The following TRPM3 variants were observed in gnomAD, a reference collection of about 807,000 sequenced individuals.
TRPM3 encodes long transient receptor potential channel 3.
Under a neutral mutation model 181.2 loss-of-function variants are expected in TRPM3, and 77 were observed. The ratio of observed to expected loss-of-function variants is 0.42; its 90% CI spans 0.35 to 0.51. The LOEUF (loss-of-function observed/expected upper bound fraction) is 0.51. TRPM3 is among the 20% of genes least tolerant of loss of function. The pLI is 0.01. For synonymous variants in TRPM3, 745 were observed against 796.4 expected (o/e 0.94, Z 1.09); for missense variants, 1,759 against 2,196.7 (o/e 0.80, Z 3.98).
intron 17 of TRPM3, among the ~76,000 whole-genome samples, chr9:70,616,436 A>G (rs941959767): frequency 2.0e-5 from 3 of 152,154 alleles, no homozygotes; most frequent in Non-Finnish European, 2.9e-5. Flanking sequence ...GTGGGAAAGA[A>G]TTCAGATTTA....
At chr9:70,686,309 C>T (rs936044653) in intron 8 of TRPM3, among the ~76,000 whole-genome samples, 8 of 152,166 alleles carry the variant, frequency 5.3e-5, no homozygotes, top group African/African-American at 7.2e-5. Context: ...CGCTAATGAA[C>T]ATTTGGATCA....
intron 1 of TRPM3, among the ~76,000 whole-genome samples, chr9:71,368,089 G>A (rs2092398939): frequency 6.6e-6 from 1 of 151,676 alleles, no homozygotes; most frequent in South Asian, 2.1e-4. Flanking sequence ...TCAGTAACCA[G>A]GGTTACACCT....
intron 8 of TRPM3, among the ~76,000 whole-genome samples, chr9:70,750,545 G>C (rs1364127005): frequency 6.6e-6 from 1 of 152,184 alleles, no homozygotes; most frequent in African/African-American, 2.4e-5. Flanking sequence ...TAGGAACACA[G>C]AGTAATGGCC....
intron 5 of TRPM3, among the ~76,000 whole-genome samples, chr9:70,829,289 G>A (rs2131715822): frequency 6.6e-6 from 1 of 152,282 alleles, no homozygotes; most frequent in South Asian, 2.1e-4. Flanking sequence ...CCTCAATAGT[G>A]AAGAACTCAT....
At chr9:71,292,038 G>C (rs1323880048) in intron 1 of TRPM3, among the ~76,000 whole-genome samples, 3 of 152,022 alleles carry the variant, frequency 2.0e-5, no homozygotes, top group Non-Finnish European at 2.9e-5. Context: ...AGAAAGACAA[G>C]AAGAGCAGGC....
intron 19 of TRPM3, among the ~76,000 whole-genome samples, chr9:70,605,385 C>A (rs1011266507): frequency 6.6e-6 from 1 of 152,106 alleles, no homozygotes; most frequent in African/African-American, 2.4e-5. Flanking sequence ...TAAATAAGAT[C>A]ACTTATGAGA....
At chr9:71,197,204 C>T (rs1215172106) in intron 1 of TRPM3, among the ~76,000 whole-genome samples, 3 of 152,130 alleles carry the variant, frequency 2.0e-5, no homozygotes, top group African/African-American at 7.2e-5. Context: ...ATGAACTCAT[C>T]CTTTTAAATG....
chr9:71,302,258 T>C (rs2086849782), intron 1 of TRPM3, among the ~76,000 whole-genome samples: 1 of 152,184 alleles, frequency 6.6e-6, no homozygotes, highest in Non-Finnish European at 1.5e-5. Context: ...TCTGAAATCA[T>C]AGAAATTTGC....
chr9:71,339,408 T>C (rs2043727285), intron 1 of TRPM3, among the ~76,000 whole-genome samples: 1 of 152,080 alleles, frequency 6.6e-6, no homozygotes, highest in South Asian at 2.1e-4. Context: ...GAAAAATAGC[T>C]TTACCTGATA....
intron 1 of TRPM3, among the ~76,000 whole-genome samples, chr9:71,024,136 T>G (rs2097870428): frequency 6.6e-6 from 1 of 152,234 alleles, no homozygotes; most frequent in Admixed American, 6.5e-5. Flanking sequence ...TCATATTATT[T>G]CTTACAATTG....
At chr9:71,364,582 T>C (rs1382680410) in intron 1 of TRPM3, among the ~76,000 whole-genome samples, 1 of 152,226 alleles carries the variant, frequency 6.6e-6, no homozygotes, top group African/African-American at 2.4e-5. Context: ...CCTCTTAGAA[T>C]TTCATGTGAG....
upstream of TRPM3, chr9:71,121,742 A>T: frequency 2.0e-6 from 1 of 502,156 alleles, no homozygotes; most frequent in Non-Finnish European, 2.6e-6. Context: ...AAGGGAACAA[A>T]AATGAAGCCA....
At chr9:71,392,157 G>A (rs545505687) in intron 1 of TRPM3, among the ~76,000 whole-genome samples, 37 of 152,154 alleles carry the variant, frequency 2.4e-4, no homozygotes, top group African/African-American at 7.9e-4. Context: ...AATAGAGTGT[G>A]CTTGCCCCAC....
At chr9:71,021,771 C>G (rs1273708768) in intron 1 of TRPM3, among the ~76,000 whole-genome samples, 1 of 151,956 alleles carries the variant, frequency 6.6e-6, no homozygotes, top group East Asian at 1.9e-4. Flanking sequence ...CACAGGTGAT[C>G]AGTGAACAAA....
intron 1 of TRPM3, among the ~76,000 whole-genome samples, chr9:70,868,214 T>C (rs7850924): frequency 0.76 from 115,947 of 151,856 alleles, 44,432 homozygotes; most frequent in Admixed American, 0.78. Flanking sequence ...GAAGGGCTGG[T>C]TATTTTCTTT....
At chr9:71,047,538 C>T (rs1198642392) in intron 1 of TRPM3, among the ~76,000 whole-genome samples, 1 of 152,146 alleles carries the variant, frequency 6.6e-6, no homozygotes, top group Non-Finnish European at 1.5e-5. Flanking sequence ...TGATTTGACA[C>T]AGGGTTTGAA....
At chr9:71,065,736 A>G (rs1308886346) in intron 1 of TRPM3, among the ~76,000 whole-genome samples, 1 of 152,316 alleles carries the variant, frequency 6.6e-6, no homozygotes, top group Non-Finnish European at 1.5e-5. Flanking sequence ...ATGTCTGTGC[A>G]CTGAAACTCA....
intron 8 of TRPM3, among the ~76,000 whole-genome samples, chr9:70,744,746 A>T (rs1439101555): frequency 2.0e-5 from 3 of 152,206 alleles, no homozygotes; most frequent in African/African-American, 7.2e-5. Flanking sequence ...TTTTCTTTCC[A>T]TGTGAATCTC....
chr9:70,917,402 G>C, intron 1 of TRPM3: 1 of 862,964 alleles, frequency 1.2e-6, no homozygotes, highest in Non-Finnish European at 2.0e-6. Context: ...GCTCAGTGGG[G>C]ACACCACCTC....
Sources: allele counts gnomAD v4.1 joint callset (sites outside exome capture counted in the v4.1 genomes callset), GRCh38; gene constraint gnomAD v4.1.1; transcripts MANE v1.5; gene names NCBI Gene and HGNC (gene_info 2026-07-23, HGNC 2026-07-21).